The following CHTF8 variants were observed in gnomAD, a reference collection of about 807,000 sequenced individuals.
The protein encoded by CHTF8 is chromosome transmission fidelity protein 8 homolog.
CHTF8 carries 6 observed loss-of-function variants against 11.0 expected under a neutral mutation model. The ratio of observed to expected loss-of-function variants is 0.55; its 90% CI spans 0.30 to 1.08. The LOEUF (loss-of-function observed/expected upper bound fraction) is 1.08. Among genes scored for constraint, CHTF8 ranks in the 50% least tolerant of loss-of-function variants. CHTF8 has a pLI of 0.07. For missense variants in CHTF8, 140 were observed against 153.1 expected, an observed-to-expected ratio of 0.91 and a Z score of 0.45; for synonymous variants, 53 against 60.5, an observed-to-expected ratio of 0.88 and a Z score of 0.57.
chr16:69,121,315 G>C (rs1368833567), intron 2 of CHTF8, 121 bp downstream of exon 2: 1 of 1,207,568 alleles, frequency 8.3e-7, no homozygotes, highest in African/African-American at 1.5e-5. Context: ...TGGAACTAGA[G>C]ATCAGAATGC....
rs534120738 is a variant in CHTF8, at chr16:69,119,487, G to A, written c.*938C>T. 1.5e-4 allele frequency: 102 copies of A among 703,012 alleles called. 1 individual carries two copies. The highest frequency in any genetic ancestry group is 1.3e-3 in the South Asian group (90 of 67,596). 43.5% of individuals were successfully genotyped at this position (703,012 alleles called of 1,614,324 possible). A position where few individuals can be genotyped will look rare whatever the true frequency, so the allele number is the denominator to read the frequency against. Reference sequence around the variant, plus strand: ...CCCGAGAGCTAGGACCCGAGTTTGGGCCCATGGGGCCAGGTACTCTTGCCA... The same window carrying A: ...CCCGAGAGCTAGGACCCGAGTTTGGACCCATGGGGCCAGGTACTCTTGCCA... On this transcript the variant is annotated 3_prime_UTR_variant, in exon 4 of 4. Transcript: ENST00000448552.
intron 1 of CHTF8, among the ~76,000 whole-genome samples, chr16:69,126,888 C>A (rs1405700557): frequency 1.3e-5 from 2 of 152,108 alleles, no homozygotes; most frequent in African/African-American, 4.8e-5. Flanking sequence ...CCTGAGTACT[C>A]CCCTGAGGAC....
Position 69,132,468 on chromosome 16 carries a change from C to A in CHTF8, c.-36+16G>T, listed in dbSNP as rs761417590. 4.6e-6 allele frequency: 1 copy of A among 216,320 alleles called. No individual in the cohort carries two copies. Among genetic ancestry groups the A allele is most frequent in the South Asian group, 6.0e-5 (1 of 16,702 alleles). 13.4% of individuals were successfully genotyped at this position (216,320 alleles called of 1,614,324 possible). On this transcript the variant is annotated intron_variant, in intron 1 of 3. Transcript: ENST00000448552. ...CGCTCCCCGCAGCCTCCCGTGCCCC[C>A]CGCCCGCGGCCTGACCTGCAATGGC...
intron 1 of CHTF8, among the ~76,000 whole-genome samples, chr16:69,127,450 G>A (rs1427502966): frequency 6.6e-6 from 1 of 152,010 alleles, no homozygotes; most frequent in Non-Finnish European, 1.5e-5. Flanking sequence ...ACTGAAAGAC[G>A]ACTAGAGCAA....
At chr16:69,123,476 G>A (rs1253082942) in intron 1 of CHTF8, among the ~76,000 whole-genome samples, 2 of 151,784 alleles carry the variant, frequency 1.3e-5, no homozygotes, top group Non-Finnish European at 1.5e-5. Flanking sequence ...GGCCAACACG[G>A]TGAAACCCAG....
At chr16:69,129,846 A>G (rs897237476) in intron 1 of CHTF8, among the ~76,000 whole-genome samples, 1 of 152,222 alleles carries the variant, frequency 6.6e-6, no homozygotes, top group African/African-American at 2.4e-5. Flanking sequence ...ACTTGCCACC[A>G]AAGTATTATA....
In CHTF8 at chr16:69,120,342, G is replaced by C. The variant is rs1324414178; in HGVS notation, c.*83C>G. On this transcript the variant is annotated 3_prime_UTR_variant, in exon 4 of 4. Transcript: ENST00000448552. This position sits in a 1 kb window ranked among gnomAD's most constrained non-coding sequence, Gnocchi z 4.0. ...GAACAGGACCCCCCTGTGGTCCCAG[G>C]GAACCGTCGAGCCGTCCTCGAGGTG... 1 of 1,382,300 alleles carries C rather than the reference G, an allele frequency of 7.2e-7. No homozygotes were observed. Among genetic ancestry groups the C allele is most frequent in the African/African-American group, 1.4e-5 (1 of 70,402 alleles). 85.6% of individuals were successfully genotyped at this position (1,382,300 alleles called of 1,614,324 possible).
At chr16:69,129,429 CAAAAAAAAAAAA>C (rs11420871) in intron 1 of CHTF8, among the ~76,000 whole-genome samples, 3 of 75,602 alleles carry the variant, frequency 4.0e-5, no homozygotes, top group South Asian at 4.6e-4. Context: ...GACTCCGTCA[CAAAAAAAAAAAA>C]AAAAAAAAAG....
rs1467572812 is a variant in CHTF8, at chr16:69,120,411, A to C, written c.*14T>G. 6.2e-7 allele frequency: 1 copy of C among 1,613,864 alleles called. No homozygotes were observed. Among genetic ancestry groups the C allele is most frequent in the South Asian group, 1.1e-5 (1 of 91,060 alleles). ...AAGGAGTTGGCCGCTCTCTAGGGAA[A>C]ATCCGAGGTTCTTTCATACTTTCTT... On this transcript the variant is annotated 3_prime_UTR_variant, in exon 4 of 4. Coordinates refer to ENST00000448552, the MANE Select transcript of CHTF8 (RefSeq NM_001039690.5). The surrounding 1 kb of genome is among the most constrained non-coding windows in gnomAD (Gnocchi z 4.0).
chr16:69,124,802 A>T (rs550409219), intron 1 of CHTF8, among the ~76,000 whole-genome samples: 39 of 152,268 alleles, frequency 2.6e-4, no homozygotes, highest in Middle Eastern at 6.8e-3. Context: ...TGCAAGCTTG[A>T]GATTTCTTTA....
rs148554708 is a variant in CHTF8 at position 69,122,264 on chromosome 16, G to C, written c.-35-771C>G. On this transcript the variant is annotated intron_variant, in intron 1 of 3. Coordinates refer to ENST00000448552, the MANE Select transcript of CHTF8 (RefSeq NM_001039690.5). ...CAACTGTATGTGCAAAACTAATTAA[G>C]ATCACATAGCTACTAAGGAAAAGAT... Among the ~76,000 whole-genome samples, 125 of 152,108 alleles carry C rather than the reference G, an allele frequency of 8.2e-4. 1 individual carries two copies. The East Asian group carries it at 0.022, about 27-fold the overall frequency.
At chr16:69,122,606 T>C (rs1961763479) in intron 1 of CHTF8, among the ~76,000 whole-genome samples, 1 of 151,326 alleles carries the variant, frequency 6.6e-6, no homozygotes, top group South Asian at 2.1e-4. Flanking sequence ...AGTGGCATGA[T>C]CTCAGGTCAC....
chr16:69,130,131 A>G (rs1408269582), intron 1 of CHTF8, among the ~76,000 whole-genome samples: 1 of 152,238 alleles, frequency 6.6e-6, no homozygotes, highest in Non-Finnish European at 1.5e-5. Context: ...TACAGAGAAC[A>G]GAACAGCCTG....
chr16:69,122,021 C>T (rs1209502404), intron 1 of CHTF8, among the ~76,000 whole-genome samples: 1 of 151,372 alleles, frequency 6.6e-6, no homozygotes, highest in Non-Finnish European at 1.5e-5. Context: ...CTCCTGACCT[C>T]GTGATTCACC....
chr16:69,132,028 C>A (rs949569107), intron 1 of CHTF8: 16 of 153,424 alleles, frequency 1.0e-4, no homozygotes, highest in Admixed American at 5.2e-4. Flanking sequence ...TACTCCGCTC[C>A]CGCAAGCATA....
rs1961361610 is a variant in CHTF8, at chr16:69,118,676, C to T, written c.*1749G>A. ...CCCACCTGCCACAGTTCACATGCCA[C>T]AAATAACATCTCACCTTCAGTCAAG... On this transcript the variant is annotated 3_prime_UTR_variant, in exon 4 of 4. Coordinates refer to ENST00000448552, the MANE Select transcript of CHTF8 (RefSeq NM_001039690.5). The T allele has an allele frequency of 1.5e-6, 1 of 675,724 alleles. No individual in the cohort carries two copies. Among genetic ancestry groups the T allele is most frequent in the African/African-American group, 1.8e-5 (1 of 55,920 alleles). 41.9% of individuals were successfully genotyped at this position (675,724 alleles called of 1,614,324 possible). A position where few individuals can be genotyped will look rare whatever the true frequency, so the allele number is the denominator to read the frequency against.
intron 1 of CHTF8, chr16:69,131,189 C>G (rs1962479946): frequency 6.6e-6 from 1 of 152,130 alleles, no homozygotes; most frequent in Non-Finnish European, 1.5e-5. Context: ...TGAATGCTTC[C>G]AAACTTTACA....
intron 1 of CHTF8, among the ~76,000 whole-genome samples, chr16:69,131,811 C>A (rs1347281979): frequency 1.3e-5 from 2 of 151,866 alleles, no homozygotes; most frequent in Non-Finnish European, 2.9e-5. Context: ...AAGTACTCCA[C>A]TCCTCCAGGA....
Position 69,120,009 on chromosome 16 carries a change from CCCTGGG to C in CHTF8, c.*410_*415del, listed in dbSNP as rs766451066. On this transcript the variant is annotated 3_prime_UTR_variant, in exon 4 of 4. Coordinates refer to ENST00000448552, the MANE Select transcript of CHTF8 (RefSeq NM_001039690.5). The surrounding 1 kb of genome is among the most constrained non-coding windows in gnomAD (Gnocchi z 4.0). ...CCCCTAACCTGGGGTTAGACAGAGG[CCCTGGG>C]CCTGGCAGAGCCCCTGTCCTAGGGT... is the stretch of plus-strand genomic sequence containing the variant. The C allele has an allele frequency of 1.4e-6, 1 of 691,968 alleles. No homozygotes were observed. The highest frequency in any genetic ancestry group is 2.6e-6 in the Non-Finnish European group (1 of 378,612). 42.9% of individuals were successfully genotyped at this position (691,968 alleles called of 1,614,324 possible).
Sources: gnomAD v4.1 joint callset for allele counts (sites outside exome capture counted in the v4.1 genomes callset) on GRCh38, gnomAD v4.1.1 for gene constraint, Gnocchi (gnomAD v3.1) non-coding constraint, MANE v1.5 for transcripts, NCBI Gene and HGNC (gene_info 2026-07-23, HGNC 2026-07-21) for gene names.